Variants in SOX5 observed in about 807,000 individuals in gnomAD.
SOX5 encodes the protein SRY-box transcription factor 5, also known as transcription factor SOX-5.
Under a neutral mutation model 92.0 loss-of-function variants are expected in SOX5, and 9 were observed. The observed-to-expected ratio is 0.10, with a 90% CI of 0.06 to 0.17. The LOEUF is 0.17. Among genes scored for constraint, SOX5 ranks in the 10% least tolerant of loss-of-function variants. SOX5 has a pLI of 1.00. For synonymous variants in SOX5, 344 were observed against 336.3 expected (o/e 1.02, Z -0.25); for missense variants, 642 against 944.5 (o/e 0.68, Z 4.20).
At chr12:24,139,090 CAGAA>C (rs1195029020) in intron 4 of SOX5, among the ~76,000 whole-genome samples, 2 of 152,122 alleles carry the variant, frequency 1.3e-5, no homozygotes, top group Non-Finnish European at 2.9e-5. Flanking sequence ...TACAACTTGT[CAGAA>C]AGAATTAATT....
chr12:23,887,039 A>AAG (rs2097075359), intron 2 of SOX5, among the ~76,000 whole-genome samples: 1 of 152,206 alleles, frequency 6.6e-6, no homozygotes, highest in Non-Finnish European at 1.5e-5. Context: ...CTCAGAATAA[A>AAG]TTGAAGAAAT....
intron 1 of SOX5, among the ~76,000 whole-genome samples, chr12:24,544,372 C>A (rs979030661): frequency 6.6e-6 from 1 of 152,002 alleles, no homozygotes. Context: ...ATAAAGATAT[C>A]TTTTCATTAT....
At chr12:23,584,517 A>G in intron 9 of SOX5, 2 of 1,485,778 alleles carry the variant, frequency 1.3e-6, no homozygotes, top group Non-Finnish European at 1.9e-6. Flanking sequence ...AATTAATTAC[A>G]TCAAAGAGTC....
At chr12:24,335,931 T>C (rs775012) in intron 2 of SOX5, among the ~76,000 whole-genome samples, 90,530 of 132,244 alleles carry the variant, frequency 0.68, 30,910 homozygotes, top group Admixed American at 0.72. Flanking sequence ...TTTTATAAAG[T>C]ATATTTTCAA....
chr12:23,687,380 G>T (rs2087789152), intron 6 of SOX5, among the ~76,000 whole-genome samples: 2 of 151,894 alleles, frequency 1.3e-5, no homozygotes, highest in Admixed American at 1.3e-4. Context: ...CATATAGTAT[G>T]ATACACACGC....
At chr12:23,603,445 A>AATATATATATATATATATATAT (rs72370535) in intron 9 of SOX5, among the ~76,000 whole-genome samples, 17 of 124,796 alleles carry the variant, frequency 1.4e-4, no homozygotes, top group Non-Finnish European at 1.8e-4. Context: ...ATATATATAA[A>AATATATATATATATATATATAT]ATATATATAT....
chr12:24,041,201 G>A (rs1215645111), intron 4 of SOX5, among the ~76,000 whole-genome samples: 1 of 152,028 alleles, frequency 6.6e-6, no homozygotes, highest in Non-Finnish European at 1.5e-5. Flanking sequence ...GGGTAAATGG[G>A]GCTTTCTCTA....
chr12:24,116,452 T>A (rs929909658), intron 4 of SOX5, among the ~76,000 whole-genome samples: 2 of 152,164 alleles, frequency 1.3e-5, no homozygotes, highest in Admixed American at 6.5e-5. Flanking sequence ...AACTTAATGT[T>A]ATATGCAAAT....
intron 2 of SOX5, among the ~76,000 whole-genome samples, chr12:24,310,632 T>G (rs918233617): frequency 1.3e-5 from 2 of 152,024 alleles, no homozygotes; most frequent in African/African-American, 4.8e-5. Context: ...TCTATTTCCA[T>G]GGAAAAACAA....
intron 1 of SOX5, among the ~76,000 whole-genome samples, chr12:23,913,957 G>A (rs755165126): frequency 6.6e-6 from 1 of 152,052 alleles, no homozygotes; most frequent in Non-Finnish European, 1.5e-5. Context: ...GTCTGATCCA[G>A]CATTTCATCC....
chr12:23,856,981 T>C (rs74631332), intron 2 of SOX5, among the ~76,000 whole-genome samples: 2 of 152,098 alleles, frequency 1.3e-5, no homozygotes, highest in East Asian at 1.9e-4. Context: ...TAAATTCATA[T>C]TGAGTTAATT....
At position 24,318,565 on chromosome 12, in the gene SOX5, T is replaced by C. The variant is rs569450214; in HGVS notation, c.-173-41253A>G. Among the ~76,000 whole-genome samples, 17 of 152,308 alleles carry C rather than the reference T, an allele frequency of 1.1e-4. No individual in the cohort carries two copies. The East Asian group carries it at 3.3e-3, about 29-fold the overall frequency. Reference sequence around the variant, plus strand: ...TTTAAGCCTTTGTTATTCTGGCTTATCCTATTATTAGTTGAATCTAAGCCT... The same window carrying C: ...TTTAAGCCTTTGTTATTCTGGCTTACCCTATTATTAGTTGAATCTAAGCCT... On this transcript the variant is annotated intron_variant, in intron 2 of 4. Transcript: ENST00000446891.
intron 4 of SOX5, among the ~76,000 whole-genome samples, chr12:23,962,869 T>C (rs947210000): frequency 6.6e-6 from 1 of 152,212 alleles, no homozygotes; most frequent in African/African-American, 2.4e-5. Context: ...TTAGTGACAT[T>C]ATGCCAAGGG....
chr12:24,144,401 A>G (rs1950871038), intron 4 of SOX5, among the ~76,000 whole-genome samples: 4 of 152,214 alleles, frequency 2.6e-5, no homozygotes, highest in African/African-American at 9.6e-5. Context: ...GGATGTTATA[A>G]GCTTTTCTAA....
At chr12:23,912,109 T>G (rs1047510405) in intron 1 of SOX5, among the ~76,000 whole-genome samples, 4 of 152,062 alleles carry the variant, frequency 2.6e-5, no homozygotes, top group Admixed American at 1.3e-4. Context: ...TATATAAATA[T>G]ATATGCATAT....
chr12:23,619,234 A>G (rs1255197075), intron 8 of SOX5, among the ~76,000 whole-genome samples: 1 of 152,180 alleles, frequency 6.6e-6, no homozygotes, highest in Non-Finnish European at 1.5e-5. Flanking sequence ...ATTATGCTAA[A>G]TAAAACTACA....
At chr12:23,740,691 C>T (rs1333577393) in intron 5 of SOX5, among the ~76,000 whole-genome samples, 176 bp downstream of exon 5, 1 of 152,046 alleles carries the variant, frequency 6.6e-6, no homozygotes, top group African/African-American at 2.4e-5. Flanking sequence ...TCTTAAAATC[C>T]GGGTTTTGTC....
intron 6 of SOX5, among the ~76,000 whole-genome samples, chr12:23,688,386 T>C (rs1431707108): frequency 6.6e-6 from 1 of 152,114 alleles, no homozygotes; most frequent in Non-Finnish European, 1.5e-5. Context: ...TTGGAAACAC[T>C]GAAATTTTAC....
chr12:23,549,679 C>T (rs996088944), intron 11 of SOX5, among the ~76,000 whole-genome samples: 15 of 151,832 alleles, frequency 9.9e-5, no homozygotes, highest in Non-Finnish European at 1.9e-4. Context: ...GGGGTATGGG[C>T]CAAACAAGAT....
Sources: gnomAD v4.1 joint callset for allele counts (sites outside exome capture counted in the v4.1 genomes callset) on GRCh38, gnomAD v4.1.1 for gene constraint, MANE v1.5 for transcripts, NCBI Gene and HGNC (gene_info 2026-07-23, HGNC 2026-07-21) for gene names.